Variants in C2CD5 observed in about 807,000 individuals in gnomAD.
C2CD5 encodes C2 calcium dependent domain containing 5, also known as C2 domain-containing protein 5.
C2CD5 carries 109 observed loss-of-function variants against 130.3 expected under a neutral mutation model. The ratio of observed to expected loss-of-function variants is 0.84; its 90% CI spans 0.72 to 0.98. C2CD5 has a LOEUF of 0.98. Among genes scored for constraint, C2CD5 ranks in the 50% least tolerant of loss-of-function variants. The probability of loss-of-function intolerance (pLI) is 0.00; values close to 1 mark genes in which losing one functional copy is unlikely to be tolerated. For missense variants in C2CD5, 996 were observed against 1,261.8 expected (o/e 0.79, Z 3.19); for synonymous variants, 454 against 429.2 (o/e 1.06, Z -0.71).
chr12:22,492,583 A>G (rs1002638503), intron 11 of C2CD5, among the ~76,000 whole-genome samples: 3 of 152,152 alleles, frequency 2.0e-5, no homozygotes, highest in African/African-American at 7.2e-5. Flanking sequence ...ACTGGAGGAG[A>G]GAGCAGCGAA....
chr12:22,536,206 A>G (rs1261712706), intron 2 of C2CD5, among the ~76,000 whole-genome samples: 1 of 152,084 alleles, frequency 6.6e-6, no homozygotes, highest in African/African-American at 2.4e-5. Context: ...CATTATTTCT[A>G]GAAGTATATA....
Position 22,493,225 on chromosome 12 carries a change from G to C in C2CD5, c.1260C>G (p.Ile420Met). 6.6e-7 allele frequency: 1 copy of C among 1,525,598 alleles called. No individual in the cohort carries two copies. Among genetic ancestry groups the C allele is most frequent in the Non-Finnish European group, 9.0e-7 (1 of 1,108,528 alleles). 94.5% of individuals were successfully genotyped at this position (1,525,598 alleles called of 1,614,324 possible). The change falls in exon 11 of 27, where the codon ATC becomes ATG. Residue 420 changes from isoleucine to methionine, a missense_variant and splice_region_variant. By Grantham distance (10) the Ile-to-Met change is conservative (BLOSUM62 1). Transcript: ENST00000446597. ...AVVGYSESTS[I>M]CEEVCILSAS... ...ATCAAGTTGTTATTATCATTTACCA[G>C]ATGCTAGTTGATTCACTGTAGCCCA...
intron 22 of C2CD5, 48 bp downstream of exon 22, chr12:22,469,661 G>A (rs768736681): frequency 1.7e-6 from 2 of 1,156,202 alleles, no homozygotes; most frequent in Admixed American, 2.1e-5. Context: ...GCAGTGAAAG[G>A]AACTAGAAAC....
intron 9 of C2CD5, among the ~76,000 whole-genome samples, chr12:22,508,947 G>A (rs1301241178): frequency 1.3e-5 from 2 of 151,246 alleles, no homozygotes; most frequent in African/African-American, 4.9e-5. Flanking sequence ...CGCAATCTCG[G>A]CTCACTGCAA....
rs571208136 is a variant in C2CD5, at chr12:22,472,025, T to C, written c.2210A>G (p.Asn737Ser). The C allele has an allele frequency of 1.4e-5, 22 of 1,608,186 alleles. No homozygotes were observed. In the South Asian group the frequency reaches 1.5e-4, roughly 11 times the overall value. Residue 737 changes from asparagine to serine, a missense_variant, in exon 19 of 27, where the codon AAC (asparagine) becomes AGC (serine). Transcript: ENST00000446597. ...CTTATTGAGAGCTTGATTAGTCAGG[T>C]TGAGGCTGCTTAATCTGATTACTCT... ...SVRVIRLSSL[N>S]LTNQALNKNF...
At chr12:22,512,751 T>C (rs1565765083) in intron 9 of C2CD5, 2 of 1,083,954 alleles carry the variant, frequency 1.8e-6, no homozygotes, top group Non-Finnish European at 2.6e-6. Context: ...AACTGCTTAT[T>C]TTCCCAATGA....
intron 8 of C2CD5, 28 bp from the exon 9 acceptor site, chr12:22,513,407 A>G (rs1565766971): frequency 1.4e-6 from 2 of 1,436,310 alleles, no homozygotes; most frequent in Non-Finnish European, 2.0e-6. Context: ...ATAAATAACA[A>G]CCAAAAAAGC....
intron 25 of C2CD5, among the ~76,000 whole-genome samples, chr12:22,455,692 T>G: frequency 6.6e-6 from 1 of 152,128 alleles, no homozygotes; most frequent in Non-Finnish European, 1.5e-5. Context: ...AATTTATCTT[T>G]TTTGGGGGGA....
At chr12:22,501,008 A>G (rs1199259137) in intron 10 of C2CD5, among the ~76,000 whole-genome samples, 2 of 152,200 alleles carry the variant, frequency 1.3e-5, no homozygotes, top group Non-Finnish European at 2.9e-5. Flanking sequence ...TTCTCAATTT[A>G]CAGATAAGAA....
At chr12:22,499,793 C>T (rs1026124621) in intron 10 of C2CD5, among the ~76,000 whole-genome samples, 1 of 152,188 alleles carries the variant, frequency 6.6e-6, no homozygotes, top group Non-Finnish European at 1.5e-5. Context: ...TGGCATTTCT[C>T]AAAGTCTGTT....
chr12:22,463,120 C>G (rs1013420433), intron 22 of C2CD5, among the ~76,000 whole-genome samples: 8 of 149,402 alleles, frequency 5.4e-5, no homozygotes, highest in African/African-American at 2.0e-4. Flanking sequence ...GGTGCGGTGG[C>G]TCACACCTGT....
chr12:22,455,881 C>T lies in C2CD5; in HGVS notation c.2877+1090G>A, dbSNP rs372151542. 2.3e-4 allele frequency among the ~76,000 whole-genome samples: 35 copies of T among 152,136 alleles called. 2 individuals carry two copies. The highest frequency in any genetic ancestry group is 8.2e-4 in the African/African-American group (34 of 41,488). On this transcript the variant is annotated intron_variant, in intron 25 of 26. Coordinates refer to ENST00000446597, the MANE Select transcript of C2CD5 (RefSeq NM_001286176.2). ...TGTATTTATAGTAGAGAAGGGGTTT[C>T]GTCATGTTGGTCAGGCTGGTCTCAA...
At chr12:22,474,030 C>T (rs1943455772) in intron 16 of C2CD5, among the ~76,000 whole-genome samples, 1 of 152,120 alleles carries the variant, frequency 6.6e-6, no homozygotes, top group African/African-American at 2.4e-5. Flanking sequence ...GGCACCGTTC[C>T]TGACTCTTTA....
At chr12:22,543,718 GTGTGTGTA>G (rs1952641300) in intron 2 of C2CD5, among the ~76,000 whole-genome samples, 1 of 151,932 alleles carries the variant, frequency 6.6e-6, no homozygotes, top group Non-Finnish European at 1.5e-5. Flanking sequence ...TTGTGTGTGT[GTGTGTGTA>G]TGTGTGTGAG....
At chr12:22,466,928 G>A (rs891101767) in intron 22 of C2CD5, among the ~76,000 whole-genome samples, 2 of 152,172 alleles carry the variant, frequency 1.3e-5, no homozygotes, top group Admixed American at 6.5e-5. Flanking sequence ...CAAACTCTTT[G>A]AGACCCTTTC....
intron 22 of C2CD5, chr12:22,463,713 CTATT>C (rs1293306914): frequency 9.2e-5 from 14 of 152,122 alleles, no homozygotes; most frequent in African/African-American, 3.4e-4. Flanking sequence ...TTTTGACTAT[CTATT>C]CACTTTATAT....
chr12:22,493,929 A>T (rs1946679585), intron 10 of C2CD5, among the ~76,000 whole-genome samples: 1 of 152,044 alleles, frequency 6.6e-6, no homozygotes, highest in South Asian at 2.1e-4. Flanking sequence ...AAGCACACTT[A>T]AAATATTAAC....
At chr12:22,453,796 G>C (rs938885889) in intron 26 of C2CD5, 100 bp downstream of exon 26, 28 of 992,336 alleles carry the variant, frequency 2.8e-5, no homozygotes, top group Middle Eastern at 4.3e-4. Context: ...GACTCAAAGG[G>C]CTCTAAAGAG....
intron 22 of C2CD5, among the ~76,000 whole-genome samples, chr12:22,461,261 T>C (rs1941092229): frequency 6.6e-6 from 1 of 152,200 alleles, no homozygotes; most frequent in African/African-American, 2.4e-5. Flanking sequence ...TTGTGCAGTA[T>C]AGATTTGGTT....
Sources: gnomAD v4.1 joint callset for allele counts (sites outside exome capture counted in the v4.1 genomes callset) on GRCh38, gnomAD v4.1.1 for gene constraint, MANE v1.5 for transcripts, NCBI Gene and HGNC (gene_info 2026-07-23, HGNC 2026-07-21) for gene names.